SHANK2: variants seen among roughly 807,000 people sequenced by gnomAD.
SHANK2 encodes the protein SH3 and multiple ankyrin repeat domains protein 2.
Under a neutral mutation model 133.7 loss-of-function variants are expected in SHANK2, and 43 were observed. The observed-to-expected ratio is 0.32, with a 90% CI of 0.25 to 0.41. The LOEUF (loss-of-function observed/expected upper bound fraction) is 0.41. Among genes scored for constraint, SHANK2 ranks in the 10% least tolerant of loss-of-function variants. The pLI is 1.00. For missense variants in SHANK2, 1,994 were observed against 2,235.8 expected (o/e 0.89, Z 2.18); for synonymous variants, 1,017 against 952.8 (o/e 1.07, Z -1.24).
At chr11:70,756,349 G>A (rs1373962165) in intron 14 of SHANK2, among the ~76,000 whole-genome samples, 8 of 152,172 alleles carry the variant, frequency 5.3e-5, no homozygotes, top group African/African-American at 1.9e-4. Flanking sequence ...GGGATAATAA[G>A]GGTTCCAGGA....
At chr11:71,157,059 T>C (rs568480485) in intron 2 of SHANK2, among the ~76,000 whole-genome samples, 2 of 152,340 alleles carry the variant, frequency 1.3e-5, no homozygotes, top group South Asian at 4.1e-4. Flanking sequence ...GACACATGTA[T>C]ACATATGTAA....
Position 70,485,709 on chromosome 11 carries a change from G to A in SHANK2, c.4584C>T (p.Asp1528=), listed in dbSNP as rs1262643983. 2 of 1,614,072 alleles carry A rather than the reference G, an allele frequency of 1.2e-6. No homozygotes were observed. The highest frequency in any genetic ancestry group is 2.2e-5 in the South Asian group (2 of 91,080). ...TLSSEGGENV[D]TCTVYADGQA... ...GCCCATCTGCATAGACTGTGCAGGT[G>A]TCCACATTCTCTCCACCTTCGGAAG... The change falls in exon 25 of 26, where the codon GAC becomes GAT. Residue 1528 remains aspartate (D), a synonymous_variant. Transcript: ENST00000601538. The surrounding 1 kb of genome is among the most constrained non-coding windows in gnomAD (Gnocchi z 5.8).
intron 3 of SHANK2, among the ~76,000 whole-genome samples, chr11:71,129,246 A>G (rs1952248983): frequency 6.6e-6 from 1 of 152,222 alleles, no homozygotes; most frequent in Non-Finnish European, 1.5e-5. Context: ...GTTTCTGCCT[A>G]CTGAGTCTTG....
intron 11 of SHANK2, among the ~76,000 whole-genome samples, chr11:70,885,648 T>C (rs760368886): frequency 2.0e-5 from 3 of 152,120 alleles, no homozygotes; most frequent in Non-Finnish European, 4.4e-5. Context: ...CAGAGATGCA[T>C]GCTGGGCAGG....
Position 70,597,085 on chromosome 11 carries a change from G to A in SHANK2, c.2061+62743C>T, listed in dbSNP as rs1330960362. Among the ~76,000 whole-genome samples the A allele has an allele frequency of 2.6e-5, 4 of 152,132 alleles. No individual in the cohort carries two copies. In the East Asian group the frequency reaches 7.7e-4, roughly 29 times the overall value. On this transcript the variant is annotated intron_variant, in intron 17 of 25. Transcript: ENST00000601538. ...CAAAGCTGAATAATTGTGCACCGGT[G>A]CTCAGGGGGTGACTGTTCCCTCCAG... is the stretch of plus-strand genomic sequence containing the variant.
intron 17 of SHANK2, among the ~76,000 whole-genome samples, chr11:70,574,148 T>C (rs531414970): frequency 3.8e-4 from 58 of 152,364 alleles, no homozygotes; most frequent in African/African-American, 1.3e-3. Flanking sequence ...ACAGCACTCA[T>C]GGCGGCCCCT....
chr11:70,599,944 AAAGAAAGAAAG>A (rs2060467951), intron 17 of SHANK2, among the ~76,000 whole-genome samples: 1 of 130,500 alleles, frequency 7.7e-6, no homozygotes, highest in African/African-American at 3.4e-5. Flanking sequence ...AGAAAGAAAG[AAAGAAAGAAAG>A]AAAGAAAGAA....
chr11:70,694,063 T>C (rs1555021680), intron 15 of SHANK2, among the ~76,000 whole-genome samples: 1 of 152,182 alleles, frequency 6.6e-6, no homozygotes, highest in Non-Finnish European at 1.5e-5. Flanking sequence ...GGTAGATTTC[T>C]CTGGAGTATC....
chr11:70,598,638 C>G (rs146730124), intron 17 of SHANK2, among the ~76,000 whole-genome samples: 1 of 152,342 alleles, frequency 6.6e-6, no homozygotes, highest in East Asian at 1.9e-4. Flanking sequence ...AGACAAATCT[C>G]ACTCATGACC....
rs1555002113 is a variant in SHANK2, at chr11:70,631,408, A to ACACACACACC, written c.2061+28419_2061+28420insGGTGTGTGTG. ...CACACACACACACACACACACACAC[A>ACACACACACC]CCCACACAACCTCCCTCCCACCTGC... On this transcript the variant is annotated intron_variant, in intron 17 of 25. Coordinates refer to ENST00000601538, the MANE Select transcript of SHANK2 (RefSeq NM_012309.5). Among the ~76,000 whole-genome samples the ACACACACACC allele has an allele frequency of 4.3e-3, 637 of 148,884 alleles. 1 individual carries two copies. The highest frequency in any genetic ancestry group is 0.012 in the South Asian group (56 of 4,646).
At chr11:70,689,969 G>A (rs1481193935) in intron 15 of SHANK2, among the ~76,000 whole-genome samples, 1 of 152,112 alleles carries the variant, frequency 6.6e-6, no homozygotes, top group African/African-American at 2.4e-5. Context: ...CTACAACCTG[G>A]AGAACATTTG....
At chr11:70,858,298 C>T (rs777613564) in intron 11 of SHANK2, among the ~76,000 whole-genome samples, 1 of 152,212 alleles carries the variant, frequency 6.6e-6, no homozygotes, top group Non-Finnish European at 1.5e-5. Flanking sequence ...TTGCGCTGTG[C>T]GGCCAGGTTG....
At chr11:70,874,208 T>TATATAC (rs1555070753) in intron 11 of SHANK2, among the ~76,000 whole-genome samples, 1 of 152,196 alleles carries the variant, frequency 6.6e-6, no homozygotes, top group African/African-American at 2.4e-5. Context: ...CATCCATATC[T>TATATAC]ATATACTCCA....
chr11:71,229,942 C>G (rs1194537510), intron 1 of SHANK2, among the ~76,000 whole-genome samples: 1 of 152,106 alleles, frequency 6.6e-6, no homozygotes, highest in Non-Finnish European at 1.5e-5. Flanking sequence ...GTCAGAAGGT[C>G]AATTTTTCCC....
chr11:71,122,649 T>TA (rs1423856112), intron 3 of SHANK2, among the ~76,000 whole-genome samples: 4 of 151,966 alleles, frequency 2.6e-5, no homozygotes, highest in Admixed American at 1.3e-4. Flanking sequence ...AGTATAATTT[T>TA]AAAAAAAAGT....
intron 14 of SHANK2, among the ~76,000 whole-genome samples, chr11:70,781,381 C>G (rs1947483388): frequency 6.6e-6 from 1 of 151,056 alleles, no homozygotes; most frequent in Non-Finnish European, 1.5e-5. Flanking sequence ...TACCCACTGC[C>G]TGGTGCAAAC....
chr11:70,709,366 T>A (rs1945731073), intron 14 of SHANK2, among the ~76,000 whole-genome samples: 1 of 152,244 alleles, frequency 6.6e-6, no homozygotes, highest in African/African-American at 2.4e-5. Flanking sequence ...TATTTGACTG[T>A]GTCCTCTGCC....
chr11:70,551,633 G>T (rs1414990476), intron 17 of SHANK2, among the ~76,000 whole-genome samples: 1 of 152,230 alleles, frequency 6.6e-6, no homozygotes, highest in Non-Finnish European at 1.5e-5. Flanking sequence ...GCAGGAGCAT[G>T]AATAGAGCTT....
At chr11:70,942,409 T>C (rs1950660794) in intron 10 of SHANK2, among the ~76,000 whole-genome samples, 1 of 152,110 alleles carries the variant, frequency 6.6e-6, no homozygotes, top group Non-Finnish European at 1.5e-5. Context: ...CCCATTCCCA[T>C]GAGGACTAAT....
Sources: gnomAD v4.1 joint callset for allele counts (sites outside exome capture counted in the v4.1 genomes callset) on GRCh38, gnomAD v4.1.1 for gene constraint, Gnocchi (gnomAD v3.1) non-coding constraint, MANE v1.5 for transcripts, NCBI Gene and HGNC (gene_info 2026-07-23, HGNC 2026-07-21) for gene names.